Variants in AZIN2 observed in about 807,000 individuals in gnomAD.
AZIN2 encodes the protein ODC antizyme inhibitor-2.
AZIN2 carries 28 observed loss-of-function variants against 47.8 expected under a neutral mutation model. The observed-to-expected ratio is 0.59, with a 90% confidence interval of 0.43 to 0.80. AZIN2 has a LOEUF of 0.80. Ranked by LOEUF, AZIN2 falls within the 30% of genes least tolerant of loss-of-function variation. AZIN2 has a pLI of 0.00. For missense variants in AZIN2, 535 were observed against 582.5 expected (o/e 0.92, Z 0.84); for synonymous variants, 221 against 239.4 (o/e 0.92, Z 0.71).
At chr1:33,155,677 G>GA in the AZIN2 span, among the ~76,000 whole-genome samples, 4 of 152,080 alleles carry the variant, frequency 2.6e-5, no homozygotes, top group Non-Finnish European at 4.4e-5. Flanking sequence ...TACTTATTCT[G>GA]AAAAAATGAG....
At position 33,104,032 on chromosome 1, in the gene AZIN2, G is replaced by A. The variant is rs144592407; in HGVS notation, c.1029+5853G>A. On this transcript the variant is annotated intron_variant, in intron 10 of 11. Transcript: ENST00000294517. ...CGAGTAGCTGGGATTACAGGCGCCC[G>A]TCACTATGCCTGGCTAATTTCTGTA... Among the ~76,000 whole-genome samples, 19 of 152,040 alleles carry A rather than the reference G, an allele frequency of 1.2e-4. No homozygotes were observed. In the East Asian group the frequency reaches 2.3e-3, roughly 19 times the overall value.
At chr1:33,087,990 C>A (rs1033475870) in intron 5 of AZIN2, among the ~76,000 whole-genome samples, 6 of 152,158 alleles carry the variant, frequency 3.9e-5, no homozygotes, top group African/African-American at 1.4e-4. Flanking sequence ...CTCACCTCTG[C>A]AGGTCCCGGG....
chr1:33,111,377 A>C (rs1644277658), intron 10 of AZIN2, among the ~76,000 whole-genome samples: 1 of 152,184 alleles, frequency 6.6e-6, no homozygotes, highest in African/African-American at 2.4e-5. Context: ...AGTTTTGATC[A>C]AGAATAGATG....
At chr1:33,147,225 G>A in the AZIN2 span, 1 of 1,613,984 alleles carries the variant, frequency 6.2e-7, no homozygotes, top group Non-Finnish European at 8.5e-7. The surrounding 1 kb of genome is among the most constrained non-coding windows in gnomAD (Gnocchi z 8.1). Flanking sequence ...TCTTGCCATT[G>A]GCGTGGCTCT....
the AZIN2 span, among the ~76,000 whole-genome samples, chr1:33,158,950 C>T: frequency 6.6e-6 from 1 of 152,002 alleles, no homozygotes. Flanking sequence ...AAGCAATTCT[C>T]CTGCCTCAGC....
the AZIN2 span, chr1:33,159,943 G>C: frequency 6.2e-7 from 1 of 1,601,214 alleles, no homozygotes; most frequent in South Asian, 1.1e-5. The surrounding 1 kb of genome is among the most constrained non-coding windows in gnomAD (Gnocchi z 4.2). Context: ...CTTGGTGGAA[G>C]ACTGTGGGGG....
At chr1:33,149,577 CTT>C in the AZIN2 span, among the ~76,000 whole-genome samples, 1 of 152,030 alleles carries the variant, frequency 6.6e-6, no homozygotes, top group African/African-American at 2.4e-5. Context: ...GCTTCAGCCT[CTT>C]GAGTAGCTGA....
intron 4 of AZIN2, 52 bp from the exon 5 acceptor site, chr1:33,083,902 A>C (rs780433199): frequency 6.2e-7 from 1 of 1,606,162 alleles, no homozygotes; most frequent in African/African-American, 1.3e-5. Flanking sequence ...GATGGCATGC[A>C]CAGGGTGCGA....
chr1:33,117,985 G>A lies in AZIN2; in HGVS notation c.1113G>A (p.Leu371=), dbSNP rs1644634235. 1.9e-6 allele frequency: 3 copies of A among 1,610,726 alleles called. No homozygotes were observed. Among genetic ancestry groups the A allele is most frequent in the African/African-American group, 1.3e-5 (1 of 74,866 alleles). Residue 371 remains leucine (L), a synonymous_variant, in exon 11 of 12, where the codon CTG becomes CTA. Coordinates refer to ENST00000294517, the MANE Select transcript of AZIN2 (RefSeq NM_052998.4). ...VDGCDCVAEG[L]WLPQLHVGDW... Reference sequence around the variant, plus strand: ...GCTGTGATTGCGTGGCTGAGGGCCTGTGGCTGCCGCAACTACACGTAGGGG... The same window carrying A: ...GCTGTGATTGCGTGGCTGAGGGCCTATGGCTGCCGCAACTACACGTAGGGG...
the AZIN2 span, among the ~76,000 whole-genome samples, chr1:33,144,390 G>T: frequency 4.7e-4 from 71 of 152,262 alleles, no homozygotes; most frequent in Admixed American, 7.8e-4. Flanking sequence ...CGCCTGCCTT[G>T]GCCTCCCAAA....
the AZIN2 span, among the ~76,000 whole-genome samples, chr1:33,158,656 T>C: frequency 6.6e-6 from 1 of 152,166 alleles, no homozygotes; most frequent in Non-Finnish European, 1.5e-5. Flanking sequence ...TCGGTCACGG[T>C]CAATGCCAAA....
At chr1:33,136,072 C>G in the AZIN2 span, among the ~76,000 whole-genome samples, 2 of 152,042 alleles carry the variant, frequency 1.3e-5, no homozygotes, top group Non-Finnish European at 2.9e-5. Flanking sequence ...TGCCCCCATC[C>G]CTGTTCAGTT....
At chr1:33,133,961 C>T in the AZIN2 span, among the ~76,000 whole-genome samples, 123 of 152,224 alleles carry the variant, frequency 8.1e-4, no homozygotes, top group Admixed American at 2.7e-3. Context: ...CTCAACCTGG[C>T]GAGCTGCCTC....
chr1:33,115,654 G>C (rs1255700335), intron 10 of AZIN2, among the ~76,000 whole-genome samples: 1 of 152,138 alleles, frequency 6.6e-6, no homozygotes, highest in East Asian at 1.9e-4. Context: ...AGTGGGCTGA[G>C]ATCACACCAC....
intron 5 of AZIN2, among the ~76,000 whole-genome samples, chr1:33,085,431 G>A (rs1056580147): frequency 2.0e-5 from 3 of 152,096 alleles, no homozygotes; most frequent in African/African-American, 4.8e-5. Context: ...GATAACCAGG[G>A]AAAGGGCATT....
the AZIN2 span, among the ~76,000 whole-genome samples, chr1:33,132,720 C>T: frequency 2.0e-5 from 3 of 152,216 alleles, no homozygotes; most frequent in East Asian, 3.9e-4. Context: ...TTGTTATAAA[C>T]TCACCACCTG....
At chr1:33,159,210 A>C in the AZIN2 span, among the ~76,000 whole-genome samples, 3 of 152,228 alleles carry the variant, frequency 2.0e-5, no homozygotes, top group Middle Eastern at 3.4e-3. The surrounding 1 kb of genome is among the most constrained non-coding windows in gnomAD (Gnocchi z 4.2). Flanking sequence ...AGGGACTGAG[A>C]GGGTTACAGT....
At chr1:33,112,757 G>A (rs1467338713) in intron 10 of AZIN2, among the ~76,000 whole-genome samples, 4 of 152,110 alleles carry the variant, frequency 2.6e-5, no homozygotes, top group Non-Finnish European at 5.9e-5. Context: ...CAAAAACTGA[G>A]TTTGTCATTT....
chr1:33,130,017 G>A, the AZIN2 span, among the ~76,000 whole-genome samples: 3 of 152,106 alleles, frequency 2.0e-5, no homozygotes, highest in Admixed American at 2.0e-4. Flanking sequence ...GAGCCACCAT[G>A]CCTGGCTAAT....
Sources: allele counts gnomAD v4.1 joint callset (sites outside exome capture counted in the v4.1 genomes callset), GRCh38; gene constraint gnomAD v4.1.1; non-coding constraint Gnocchi (gnomAD v3.1); transcripts MANE v1.5; gene names NCBI Gene and HGNC (gene_info 2026-07-23, HGNC 2026-07-21).